The following FARP1 variants were observed in gnomAD, a reference collection of about 807,000 sequenced individuals.
FARP1 encodes FERM, ARHGEF and pleckstrin domain-containing protein 1.
A neutral mutation model predicts 128.8 loss-of-function variants in FARP1; 52 were observed. The observed-to-expected ratio is 0.40, with a 90% CI of 0.32 to 0.51. The LOEUF (loss-of-function observed/expected upper bound fraction) is 0.51, where lower values mean the gene tolerates loss of function less well. FARP1 is among the 20% of genes least tolerant of loss of function. FARP1 has a pLI of 0.45. For missense variants in FARP1, 1,333 were observed against 1,367.9 expected (o/e 0.97, Z 0.40); for synonymous variants, 580 against 551.8 (o/e 1.05, Z -0.72).
chr13:98,279,890 G>GC lies in FARP1; in HGVS notation c.172-63865dup, dbSNP rs200610366. 4.2e-4 allele frequency among the ~76,000 whole-genome samples: 64 copies of GC among 152,064 alleles called. No homozygotes were observed. In the South Asian group the frequency reaches 0.01, roughly 24 times the overall value. On this transcript the variant is annotated intron_variant, in intron 2 of 26. Coordinates refer to ENST00000319562, the MANE Select transcript of FARP1 (RefSeq NM_005766.4). ...ACTTGTGGCCCCGGTACCAGGCGAC[G>GC]CCCCCCCTCTGTCTTCCGGGTCTCC...
At chr13:98,318,002 C>CT in intron 2 of FARP1, among the ~76,000 whole-genome samples, 1 of 149,552 alleles carries the variant, frequency 6.7e-6, no homozygotes, top group Non-Finnish European at 1.5e-5. Flanking sequence ...CCTCATCCTC[C>CT]TCCTCCCTCT....
At chr13:98,270,607 G>A (rs1010771994) in intron 2 of FARP1, among the ~76,000 whole-genome samples, 5 of 152,126 alleles carry the variant, frequency 3.3e-5, no homozygotes, top group Middle Eastern at 3.2e-3. Flanking sequence ...GCAGGAAACC[G>A]ATGAGTTTGC....
chr13:98,243,769 A>G (rs1161403482), intron 2 of FARP1, among the ~76,000 whole-genome samples: 1 of 150,898 alleles, frequency 6.6e-6, no homozygotes, highest in Non-Finnish European at 1.5e-5. Context: ...CTTTTTTTCC[A>G]GCAGGGTTAA....
At chr13:98,398,658 G>A (rs1223728396) in intron 13 of FARP1, 2 of 152,158 alleles carry the variant, frequency 1.3e-5, no homozygotes, top group Non-Finnish European at 2.9e-5. Flanking sequence ...TTTTTATATG[G>A]TGAGGGTTTT....
intron 1 of FARP1, among the ~76,000 whole-genome samples, chr13:98,194,515 G>C (rs1272100459): frequency 6.6e-6 from 1 of 152,146 alleles, no homozygotes; most frequent in Non-Finnish European, 1.5e-5. Context: ...TTTATATCTT[G>C]TTCAAAGTCA....
intron 2 of FARP1, among the ~76,000 whole-genome samples, chr13:98,288,180 T>TG (rs1364761372): frequency 6.6e-6 from 1 of 152,154 alleles, no homozygotes; most frequent in Non-Finnish European, 1.5e-5. Flanking sequence ...TTAGGGTCGC[T>TG]GGGGGAGGAC....
chr13:98,321,277 C>T (rs1886981924), intron 2 of FARP1, among the ~76,000 whole-genome samples: 3 of 152,220 alleles, frequency 2.0e-5, no homozygotes, highest in South Asian at 4.2e-4. Context: ...TCTGTGGAGT[C>T]GTGGAGAAAC....
At chr13:98,207,996 A>C (rs1172101465) in intron 1 of FARP1, among the ~76,000 whole-genome samples, 2 of 140,324 alleles carry the variant, frequency 1.4e-5, no homozygotes, top group African/African-American at 2.7e-5. Flanking sequence ...AGTATTGAGG[A>C]TCTCTCTTCC....
In FARP1 at chr13:98,177,089, C is replaced by CGCT. The variant is rs751047447; in HGVS notation, c.-24+33607_-24+33609dup. 2.5e-6 allele frequency: 4 copies of CGCT among 1,598,996 alleles called. No individual in the cohort carries two copies. The South Asian group carries it at 3.3e-5, about 13-fold the overall frequency. On this transcript the variant is annotated intron_variant, in intron 1 of 26. Transcript: ENST00000319562. Reference sequence around the variant, plus strand: ...TGAGCCACTGTGTCGCCCTCGTCCCCGCTGCTGCTGCTCTCTCCGTGCTCG... The same window carrying CGCT: ...TGAGCCACTGTGTCGCCCTCGTCCCCGCTGCTGCTGCTGCTCTCTCCGTGCTCG...
intron 2 of FARP1, among the ~76,000 whole-genome samples, chr13:98,217,405 G>A (rs1244140605): frequency 5.3e-5 from 8 of 152,158 alleles, no homozygotes; most frequent in Non-Finnish European, 1.5e-5. Context: ...AGCCCCCCAG[G>A]AGAGCAGGGG....
intron 24 of FARP1, 117 bp from the exon 25 acceptor site, chr13:98,445,981 A>T: frequency 1.5e-6 from 1 of 676,162 alleles, no homozygotes; most frequent in Non-Finnish European, 2.6e-6. Context: ...GGTGGGGCCC[A>T]CATCCTTCAG....
Position 98,438,866 on chromosome 13 carries a change from C to A in FARP1, c.2337C>A (p.Phe779Leu), listed in dbSNP as rs1191087138. 3 of 1,613,680 alleles carry A rather than the reference C, an allele frequency of 1.9e-6. No individual in the cohort carries two copies. In the Admixed American group the frequency reaches 5.0e-5, roughly 27 times the overall value. Residue 779 changes from phenylalanine to leucine, a missense_variant, in exon 20 of 27, where the codon TTC (phenylalanine) becomes TTA (leucine). Transcript: ENST00000319562. The part of the protein sequence containing the change: ...LSGKGLQQRM[F>L]FLFNDVLLYT... Reference sequence around the variant, plus strand: ...GGAAGGGGCTCCAGCAGCGCATGTTCTTCCTGGTGAGTGGAGAGAGCGGCT... The same window carrying A: ...GGAAGGGGCTCCAGCAGCGCATGTTATTCCTGGTGAGTGGAGAGAGCGGCT...
chr13:98,216,910 G>A (rs563622470), intron 2 of FARP1, among the ~76,000 whole-genome samples: 21 of 152,290 alleles, frequency 1.4e-4, no homozygotes, highest in Admixed American at 7.2e-4. Context: ...GGAAAACACC[G>A]TGCAAATAAG....
chr13:98,355,050 A>T (rs1888585174), intron 3 of FARP1, among the ~76,000 whole-genome samples: 1 of 152,224 alleles, frequency 6.6e-6, no homozygotes, highest in Admixed American at 6.5e-5. Flanking sequence ...AACCATTTTT[A>T]AAATTTTATT....
intron 1 of FARP1, among the ~76,000 whole-genome samples, chr13:98,163,159 A>G (rs1270352639): frequency 6.6e-6 from 1 of 152,206 alleles, no homozygotes. Flanking sequence ...GAACAAAATC[A>G]TCTTTGCAGG....
At chr13:98,338,123 G>A (rs1170121110) in intron 2 of FARP1, among the ~76,000 whole-genome samples, 3 of 152,130 alleles carry the variant, frequency 2.0e-5, no homozygotes, top group Non-Finnish European at 4.4e-5. Context: ...TTTTTAAATT[G>A]TGGTAAAACA....
rs543248609 is a variant in FARP1, at chr13:98,385,600, A to G, written c.612-67A>G. 2.6e-6 allele frequency: 4 copies of G among 1,563,894 alleles called. No individual in the cohort carries two copies. The African/African-American group carries it at 5.4e-5, about 21-fold the overall frequency. ...TGTATTTCCCAGGAGAAGCTTCTTAATCTCAAATTAATAGATACAGGGAAT... is the reference window on the plus strand; with the variant it reads ...TGTATTTCCCAGGAGAAGCTTCTTAGTCTCAAATTAATAGATACAGGGAAT... On this transcript the variant is annotated intron_variant, in intron 7 of 26. Coordinates refer to ENST00000319562, the MANE Select transcript of FARP1 (RefSeq NM_005766.4).
chr13:98,217,843 G>C (rs1189639944), intron 2 of FARP1, among the ~76,000 whole-genome samples: 1 of 152,204 alleles, frequency 6.6e-6, no homozygotes, highest in African/African-American at 2.4e-5. Flanking sequence ...AGCGGTGCCT[G>C]TGCATGAAAC....
intron 1 of FARP1, among the ~76,000 whole-genome samples, chr13:98,161,151 A>G (rs376680985): frequency 6.6e-6 from 1 of 151,836 alleles, no homozygotes; most frequent in Non-Finnish European, 1.5e-5. Flanking sequence ...ATTTTTTTCA[A>G]ATTGGTAATA....
Sources: allele counts gnomAD v4.1 joint callset (sites outside exome capture counted in the v4.1 genomes callset), GRCh38; gene constraint gnomAD v4.1.1; transcripts MANE v1.5; gene names NCBI Gene and HGNC (gene_info 2026-07-23, HGNC 2026-07-21).